SENP5: variants seen among roughly 807,000 people sequenced by gnomAD.
SENP5 encodes SUMO specific peptidase 5.
SENP5 carries 21 observed loss-of-function variants against 74.2 expected under a neutral mutation model. The ratio of observed to expected loss-of-function variants is 0.28; its 90% CI spans 0.20 to 0.41. SENP5 has a LOEUF of 0.41. SENP5 is among the 10% of genes least tolerant of loss of function. The pLI is 1.00. For synonymous variants in SENP5, 311 were observed against 312.7 expected (o/e 0.99, Z 0.06); for missense variants, 717 against 889.1 (o/e 0.81, Z 2.46).
At chr3:196,870,800 G>A (rs1713181684) in intron 1 of SENP5, among the ~76,000 whole-genome samples, 1 of 152,034 alleles carries the variant, frequency 6.6e-6, no homozygotes, top group South Asian at 2.1e-4. Flanking sequence ...TTACAGGTGT[G>A]AGCCACTGTA....
intron 7 of SENP5, among the ~76,000 whole-genome samples, chr3:196,926,607 T>A: frequency 6.6e-6 from 1 of 152,032 alleles, no homozygotes; most frequent in East Asian, 1.9e-4. Context: ...TTCATCATGT[T>A]TTTTCTTCTG....
intron 6 of SENP5, among the ~76,000 whole-genome samples, chr3:196,908,805 A>G (rs957125619): frequency 1.4e-5 from 2 of 143,630 alleles, no homozygotes; most frequent in Admixed American, 6.8e-5. Context: ...CCTGGGCAAG[A>G]AGAGTGAAAC....
At chr3:196,912,943 A>T (rs9866045) in intron 6 of SENP5, 209 of 152,358 alleles carry the variant, frequency 1.4e-3, no homozygotes, top group African/African-American at 4.7e-3. Context: ...AGAAAGGAAT[A>T]TTAATCATAT....
intron 1 of SENP5, among the ~76,000 whole-genome samples, chr3:196,871,160 A>G (rs574941881): frequency 2.0e-5 from 3 of 151,636 alleles, no homozygotes; most frequent in South Asian, 4.2e-4. Flanking sequence ...ACAGGGTGAG[A>G]CTCTGTCTCA....
chr3:196,910,978 C>G (rs1253851823), intron 6 of SENP5, among the ~76,000 whole-genome samples: 1 of 152,164 alleles, frequency 6.6e-6, no homozygotes, highest in East Asian at 1.9e-4. Flanking sequence ...AAAGGATTCC[C>G]TATTTAATAA....
chr3:196,881,957 C>T (rs1402121240), intron 1 of SENP5, among the ~76,000 whole-genome samples: 1 of 143,654 alleles, frequency 7.0e-6, no homozygotes, highest in Non-Finnish European at 1.5e-5. Context: ...TGCAGTGGCT[C>T]AATTTTGGCT....
chr3:196,907,988 G>A (rs1192546643), intron 6 of SENP5, among the ~76,000 whole-genome samples: 2 of 152,182 alleles, frequency 1.3e-5, no homozygotes, highest in East Asian at 3.8e-4. Flanking sequence ...CATTTAAAGA[G>A]GCTGGGCGCT....
chr3:196,929,758 G>A, intron 9 of SENP5, 75 bp downstream of exon 9: 1 of 954,476 alleles, frequency 1.0e-6, no homozygotes, highest in Non-Finnish European at 1.7e-6. Flanking sequence ...AGAGATGGCA[G>A]TTCCTGTATG....
chr3:196,891,517 G>T (rs1234563074), intron 2 of SENP5, among the ~76,000 whole-genome samples: 1 of 152,176 alleles, frequency 6.6e-6, no homozygotes, highest in Non-Finnish European at 1.5e-5. Flanking sequence ...TGTAATCCCA[G>T]CACTTTAGGA....
At chr3:196,876,583 A>T (rs1187619004) in intron 1 of SENP5, among the ~76,000 whole-genome samples, 1 of 151,960 alleles carries the variant, frequency 6.6e-6, no homozygotes, top group African/African-American at 2.4e-5. Flanking sequence ...ACATCTAAGA[A>T]ATACACAAAT....
In SENP5 at chr3:196,885,931, C is replaced by T; in HGVS notation, c.750C>T (p.His250=). Residue 250 remains histidine (H), a synonymous_variant, in exon 2 of 10, where the codon CAC becomes CAT. Coordinates refer to ENST00000323460, the MANE Select transcript of SENP5 (RefSeq NM_152699.5). ...RFRYRILRSQ[H]FRTKSKVCKL... Reference sequence around the variant, plus strand: ...GGTACAGGATTCTCAGATCCCAGCACTTCAGAACCAAAAGCAAGGTTTGCA... The same window carrying T: ...GGTACAGGATTCTCAGATCCCAGCATTTCAGAACCAAAAGCAAGGTTTGCA... The T allele has an allele frequency of 6.2e-7, 1 of 1,614,134 alleles. No homozygotes were observed. Among genetic ancestry groups the T allele is most frequent in the Non-Finnish European group, 8.5e-7 (1 of 1,180,042 alleles).
chr3:196,900,704 G>T (rs1191531932), intron 5 of SENP5, among the ~76,000 whole-genome samples: 1 of 152,032 alleles, frequency 6.6e-6, no homozygotes, highest in Admixed American at 6.6e-5. Context: ...TCCTGTCTCA[G>T]CCTCCCGACT....
intron 1 of SENP5, among the ~76,000 whole-genome samples, chr3:196,875,206 T>C (rs1713403976): frequency 6.6e-6 from 1 of 152,204 alleles, no homozygotes; most frequent in African/African-American, 2.4e-5. Flanking sequence ...ACTGGAACAT[T>C]TACCCCCAAC....
intron 2 of SENP5, among the ~76,000 whole-genome samples, chr3:196,895,871 C>G (rs1419825820): frequency 6.6e-6 from 1 of 152,150 alleles, no homozygotes; most frequent in Non-Finnish European, 1.5e-5. Context: ...TTTTATATTA[C>G]TACCTTTTGT....
rs557089773 is a variant in SENP5 at position 196,903,141 on chromosome 3, CATT to C, written c.1807-382_1807-380del. On this transcript the variant is annotated intron_variant, in intron 5 of 9. Coordinates refer to ENST00000323460, the MANE Select transcript of SENP5 (RefSeq NM_152699.5). ...TTTTCTATATTTTGATCATTATTATCATTATTATTATTTTTTGAGACGGAGTTT... is the reference window on the plus strand; with the variant it reads ...TTTTCTATATTTTGATCATTATTATCATTATTATTTTTTGAGACGGAGTTT... Among the ~76,000 whole-genome samples, 324 of 151,676 alleles carry C rather than the reference CATT, an allele frequency of 2.1e-3. 1 individual carries two copies. Among genetic ancestry groups the C allele is most frequent in the African/African-American group, 6.0e-3 (249 of 41,450 alleles).
chr3:196,888,001 C>T (rs1004604368), intron 2 of SENP5, among the ~76,000 whole-genome samples: 2 of 152,098 alleles, frequency 1.3e-5, no homozygotes, highest in African/African-American at 4.8e-5. Context: ...CTCCTGAGCT[C>T]AGGCAATCTG....
At chr3:196,915,116 G>A (rs2108853620) in intron 6 of SENP5, among the ~76,000 whole-genome samples, 1 of 152,342 alleles carries the variant, frequency 6.6e-6, no homozygotes, top group South Asian at 2.1e-4. Context: ...ACCACCAGTT[G>A]AGTAAAGTGG....
In SENP5 at chr3:196,932,087, A is replaced by C. The variant is rs1716057535; in HGVS notation, c.*1164A>C. On this transcript the variant is annotated 3_prime_UTR_variant, in exon 10 of 10. Coordinates refer to ENST00000323460, the MANE Select transcript of SENP5 (RefSeq NM_152699.5). ...ACAGCTGTTCTTCTCCTTCTGTTGAACCTCATCTTCTGAAGAAAGGCCAAG... is the reference window on the plus strand; with the variant it reads ...ACAGCTGTTCTTCTCCTTCTGTTGACCCTCATCTTCTGAAGAAAGGCCAAG... The C allele has an allele frequency of 4.0e-6, 1 of 249,536 alleles. No homozygotes were observed. Among genetic ancestry groups the C allele is most frequent in the African/African-American group, 2.3e-5 (1 of 42,608 alleles). 15.5% of individuals were successfully genotyped at this position (249,536 alleles called of 1,614,324 possible).
chr3:196,875,240 A>G (rs1577790743), intron 1 of SENP5, among the ~76,000 whole-genome samples: 3 of 152,316 alleles, frequency 2.0e-5, no homozygotes, highest in South Asian at 4.1e-4. Context: ...ACAAATGACA[A>G]GTCCTGTCAT....
Sources: gnomAD v4.1 joint callset for allele counts (sites outside exome capture counted in the v4.1 genomes callset) on GRCh38, gnomAD v4.1.1 for gene constraint, MANE v1.5 for transcripts, NCBI Gene and HGNC (gene_info 2026-07-23, HGNC 2026-07-21) for gene names.